The following C12orf42 variants were observed in gnomAD, a reference collection of about 807,000 sequenced individuals.
The protein encoded by C12orf42 is chromosome 12 open reading frame 42.
Under a neutral mutation model 21.6 loss-of-function variants are expected in C12orf42, and 25 were observed. That is an observed-to-expected ratio of 1.16 (90% CI 0.84 to 1.62). The LOEUF is 1.62. C12orf42 is among the 40% of genes most tolerant of loss of function. C12orf42 has a pLI of 0.00. For missense variants in C12orf42, 483 were observed against 459.3 expected, an observed-to-expected ratio of 1.05 and a Z score of -0.47; for synonymous variants, 174 against 175.0, an observed-to-expected ratio of 0.99 and a Z score of 0.05.
intron 4 of C12orf42, among the ~76,000 whole-genome samples, chr12:103,363,144 G>T (rs2044264643): frequency 6.6e-6 from 1 of 152,126 alleles, no homozygotes; most frequent in Non-Finnish European, 1.5e-5. Flanking sequence ...ATTAACAGCG[G>T]ATTTCTCAGC....
At chr12:103,529,355 T>A in the C12orf42 span, among the ~76,000 whole-genome samples, 1 of 152,256 alleles carries the variant, frequency 6.6e-6, no homozygotes, top group Non-Finnish European at 1.5e-5. Flanking sequence ...CAGCATGTAA[T>A]GCCTGAAATG....
intron 4 of C12orf42, among the ~76,000 whole-genome samples, chr12:103,361,638 C>T (rs1475121294): frequency 2.0e-5 from 3 of 152,104 alleles, no homozygotes; most frequent in Non-Finnish European, 4.4e-5. Flanking sequence ...CAGCCCTGCT[C>T]ACCCACTGCC....
chr12:103,347,828 A>C (rs1389075698), intron 4 of C12orf42, among the ~76,000 whole-genome samples: 1 of 152,124 alleles, frequency 6.6e-6, no homozygotes, highest in African/African-American at 2.4e-5. Context: ...TTGCCCACAC[A>C]CCCAACCCTA....
chr12:103,194,260 A>G, the C12orf42 span, among the ~76,000 whole-genome samples: 6 of 152,160 alleles, frequency 3.9e-5, no homozygotes, highest in Admixed American at 6.5e-5. Context: ...TAAGATCAAA[A>G]CAAGGCAAAG....
chr12:103,435,980 A>G (rs1172878207), intron 2 of C12orf42, among the ~76,000 whole-genome samples: 1 of 150,520 alleles, frequency 6.6e-6, no homozygotes, highest in East Asian at 1.9e-4. Flanking sequence ...TGAAGGAAAA[A>G]ATGTTAAGGG....
chr12:103,329,555 A>G (rs2041031257), intron 4 of C12orf42, among the ~76,000 whole-genome samples: 1 of 152,124 alleles, frequency 6.6e-6, no homozygotes, highest in South Asian at 2.1e-4. Context: ...AATAAAAATT[A>G]AAATTAAAAA....
At position 103,467,430 on chromosome 12, in the gene C12orf42, C is replaced by T. The variant is rs555524540; in HGVS notation, c.78+10919G>A. Among the ~76,000 whole-genome samples, 8 of 152,260 alleles carry T rather than the reference C, an allele frequency of 5.3e-5. No homozygotes were observed. In the South Asian group the frequency reaches 1.7e-3, roughly 32 times the overall value. ...ATGGATATAAATTTTTCACACAGTG[C>T]ACTTTGGAACTGTTCCCATCTCCAG... is the stretch of plus-strand genomic sequence containing the variant. On this transcript the variant is annotated intron_variant, in intron 2 of 5. Coordinates refer to ENST00000548883, the MANE Select transcript of C12orf42 (RefSeq NM_198521.5).
At chr12:103,118,596 A>T in the C12orf42 span, among the ~76,000 whole-genome samples, 1 of 152,004 alleles carries the variant, frequency 6.6e-6, no homozygotes, top group Non-Finnish European at 1.5e-5. Flanking sequence ...CAGGAGATCG[A>T]GACCATCCTG....
intron 3 of C12orf42, chr12:103,378,573 G>A (rs1201899213): frequency 6.6e-6 from 1 of 152,206 alleles, no homozygotes; most frequent in East Asian, 1.9e-4. Flanking sequence ...GGTCACTGGA[G>A]AGAGAGGGGA....
the C12orf42 span, among the ~76,000 whole-genome samples, chr12:103,162,080 C>T: frequency 1.3e-5 from 2 of 152,158 alleles, no homozygotes; most frequent in Non-Finnish European, 2.9e-5. Context: ...GGGTTTATTG[C>T]TCTTCCCCAA....
At chr12:103,243,060 G>C (rs1020870952) in intron 10 of C12orf42, among the ~76,000 whole-genome samples, 1 of 152,046 alleles carries the variant, frequency 6.6e-6, no homozygotes, top group Non-Finnish European at 1.5e-5. Flanking sequence ...GTCTCACTCT[G>C]TTGTTTAGGC....
intron 4 of C12orf42, among the ~76,000 whole-genome samples, chr12:103,347,601 C>T (rs906321606): frequency 2.0e-5 from 3 of 152,088 alleles, no homozygotes; most frequent in Non-Finnish European, 4.4e-5. Flanking sequence ...AAGAACAGTG[C>T]CATCTACCAG....
At chr12:103,081,427 G>A in the C12orf42 span, 2 of 152,076 alleles carry the variant, frequency 1.3e-5, no homozygotes, top group Non-Finnish European at 2.9e-5. Context: ...GGCTGTCAAT[G>A]TTTTTCTTTA....
intron 4 of C12orf42, among the ~76,000 whole-genome samples, chr12:103,361,027 G>A (rs2137691921): frequency 6.6e-6 from 1 of 152,206 alleles, no homozygotes; most frequent in South Asian, 2.1e-4. Context: ...ATGGAGGCAG[G>A]ACAAGATTGC....
the C12orf42 span, among the ~76,000 whole-genome samples, chr12:103,112,924 C>T: frequency 6.6e-6 from 1 of 152,172 alleles, no homozygotes. Flanking sequence ...AATCACCTCA[C>T]CGTTTACTGG....
the C12orf42 span, among the ~76,000 whole-genome samples, chr12:103,076,620 G>T: frequency 2.6e-5 from 4 of 152,126 alleles, no homozygotes; most frequent in Non-Finnish European, 5.9e-5. Context: ...GTTGATGAAA[G>T]CCCAGTGAAA....
chr12:103,073,079 C>T, the C12orf42 span, among the ~76,000 whole-genome samples: 47 of 152,156 alleles, frequency 3.1e-4, no homozygotes, highest in African/African-American at 1.1e-3. Flanking sequence ...AATACAGGAA[C>T]AGAAAACCAA....
At chr12:103,329,865 A>G (rs1353767693) in intron 4 of C12orf42, among the ~76,000 whole-genome samples, 2 of 151,788 alleles carry the variant, frequency 1.3e-5, no homozygotes, top group Non-Finnish European at 2.9e-5. Flanking sequence ...TGATAAATAT[A>G]TATTAATATT....
chr12:103,329,065 T>C (rs2040971763), intron 4 of C12orf42, among the ~76,000 whole-genome samples: 1 of 151,938 alleles, frequency 6.6e-6, no homozygotes, highest in South Asian at 2.1e-4. Flanking sequence ...GATGCAGGCA[T>C]GCATTTAGAG....
Sources: gnomAD v4.1 joint callset for allele counts (sites outside exome capture counted in the v4.1 genomes callset) on GRCh38, gnomAD v4.1.1 for gene constraint, MANE v1.5 for transcripts, NCBI Gene and HGNC (gene_info 2026-07-23, HGNC 2026-07-21) for gene names.